The following CAMKK2 variants were observed in gnomAD, a reference collection of about 807,000 sequenced individuals.
CAMKK2 encodes calcium/calmodulin dependent protein kinase kinase 2.
Under a neutral mutation model 67.2 loss-of-function variants are expected in CAMKK2, and 30 were observed. The observed-to-expected ratio is 0.45, with a 90% CI of 0.33 to 0.61. The LOEUF is 0.61. CAMKK2 is among the 20% of genes least tolerant of loss of function. The pLI is 0.02. For missense variants in CAMKK2, 643 were observed against 802.0 expected (o/e 0.80, Z 2.39); for synonymous variants, 322 against 326.2 (o/e 0.99, Z 0.14).
intron 1 of CAMKK2, among the ~76,000 whole-genome samples, chr12:121,281,939 C>A: frequency 6.6e-6 from 1 of 152,042 alleles, no homozygotes; most frequent in Non-Finnish European, 1.5e-5. Context: ...AAGCGAGAGT[C>A]CATCTTGAAA....
At chr12:121,280,697 G>A (rs890382219) in intron 1 of CAMKK2, among the ~76,000 whole-genome samples, 1 of 152,068 alleles carries the variant, frequency 6.6e-6, no homozygotes, top group African/African-American at 2.4e-5. Context: ...TCTTATGGTC[G>A]AGATTGCAGA....
rs1896403413 is a variant in CAMKK2, at chr12:121,274,390, T to C, written c.137A>G (p.His46Arg). The C allele has an allele frequency of 6.2e-7, 1 of 1,613,424 alleles. No homozygotes were observed. The highest frequency in any genetic ancestry group is 1.7e-5 in the Admixed American group (1 of 60,022). Residue 46 changes from histidine to arginine, a missense_variant, in exon 2 of 17, where the codon CAC becomes CGC. Transcript: ENST00000404169. The part of the protein sequence containing the change: ...ALRGLSSLSI[H>R]LGMESFIVVT... ...CACAATGAAGGACTCCATGCCCAGG[T>C]GGATGCTCAAGGATGAGAGGCCCCG... is the stretch of plus-strand genomic sequence containing the variant.
chr12:121,276,991 T>C (rs1013786729), intron 1 of CAMKK2, among the ~76,000 whole-genome samples: 12 of 151,384 alleles, frequency 7.9e-5, no homozygotes, highest in Admixed American at 3.9e-4. Context: ...TCCGATGACA[T>C]TGGGAGGTAG....
At chr12:121,284,011 C>G (rs1186381608) in intron 1 of CAMKK2, among the ~76,000 whole-genome samples, 2 of 152,258 alleles carry the variant, frequency 1.3e-5, no homozygotes, top group African/African-American at 4.8e-5. Context: ...ACGCCACAGT[C>G]CTCACCACTT....
chr12:121,278,275 G>A (rs1251745706), intron 1 of CAMKK2, among the ~76,000 whole-genome samples: 1 of 152,150 alleles, frequency 6.6e-6, no homozygotes, highest in East Asian at 1.9e-4. Flanking sequence ...TTATGTCCCA[G>A]AAGAGGAAAC....
At chr12:121,266,927 G>A (rs1018678339) in intron 5 of CAMKK2, among the ~76,000 whole-genome samples, 4 of 149,684 alleles carry the variant, frequency 2.7e-5, no homozygotes, top group Non-Finnish European at 5.9e-5. Context: ...GGAGCTACCA[G>A]CAACTAAAAG....
chr12:121,263,985 C>T (rs1894001154), intron 5 of CAMKK2, 46 bp from the exon 6 acceptor site: 1 of 1,502,582 alleles, frequency 6.7e-7, no homozygotes, highest in Non-Finnish European at 9.0e-7. Context: ...AAGAGACTTT[C>T]CTCCGCAGAG....
In CAMKK2 at chr12:121,248,718, G is replaced by A; in HGVS notation, c.1340C>T (p.Thr447Met). ...CGGCAACGGCTCCGCCCCATGCCTCGTGACCCAGGGGTGCAGCTTCAACGA... is the reference window on the plus strand; with the variant it reads ...CGGCAACGGCTCCGCCCCATGCCTCATGACCCAGGGGTGCAGCTTCAACGA... ...VPEIKLHPWV[T>M]RHGAEPLPSE... The change falls in exon 14 of 17, where the codon ACG (threonine) becomes ATG (methionine). Residue 447 changes from threonine (T) to methionine (M), a missense_variant. Thr to Met is a moderately conservative substitution (Grantham distance 81). Coordinates refer to ENST00000404169, the MANE Select transcript of CAMKK2 (RefSeq NM_001270485.2). 6.2e-7 allele frequency: 1 copy of A among 1,614,136 alleles called. No homozygotes were observed. The highest frequency in any genetic ancestry group is 8.5e-7 in the Non-Finnish European group (1 of 1,180,010).
rs199869369 is a variant in CAMKK2, at chr12:121,250,049, G to A, written c.1162-15C>T. The A allele has an allele frequency of 7.7e-5, 123 of 1,603,952 alleles. No individual in the cohort carries two copies. Among genetic ancestry groups the A allele is most frequent in the Non-Finnish European group, 1.0e-4 (119 of 1,173,662 alleles). On this transcript the variant is annotated splice_polypyrimidine_tract_variant and intron_variant, in intron 11 of 16. Transcript: ENST00000404169. ...ATGAATGGGCACTGCAAAGAGGCCA[G>A]GGACAGAGTGGCAGTCAATGGCGGC...
Position 121,245,189 on chromosome 12 carries a change from C to A in CAMKK2, c.1504G>T (p.Gly502Cys). Residue 502 changes from glycine (G) to cysteine (C), a missense_variant, in exon 15 of 17, where the codon GGC becomes TGC. By Grantham distance (159) the Gly-to-Cys change is radical. This residue lies in a region of CAMKK2 where 140 missense variants were observed against 124.2 expected (regional missense o/e 1.13). Transcript: ENST00000404169. The surrounding 1 kb of genome is among the most constrained non-coding windows in gnomAD (Gnocchi z 5.8). ...AGTGAGCGTTCCTCCCGCCGGCTGC[C>A]CTCGAATGGGTTCCCAAAGGAGCGT... ...RKRSFGNPFEGSRREERSLSA... is the reference protein window; with the variant it reads ...RKRSFGNPFECSRREERSLSA... The A allele has an allele frequency of 6.2e-7, 1 of 1,609,406 alleles. No homozygotes were observed. The highest frequency in any genetic ancestry group is 8.5e-7 in the Non-Finnish European group (1 of 1,177,660).
chr12:121,244,399 C>T (rs542929042), intron 16 of CAMKK2, among the ~76,000 whole-genome samples, 174 bp downstream of exon 16: 1 of 152,338 alleles, frequency 6.6e-6, no homozygotes, highest in South Asian at 2.1e-4. Flanking sequence ...TGGGTCCAAG[C>T]CCCCGAGGCC....
rs201801372 is a variant in CAMKK2 at position 121,274,125 on chromosome 12, C to A, written c.402G>T (p.Pro134=). The A allele has an allele frequency of 3.0e-5, 47 of 1,571,544 alleles. No homozygotes were observed. Among genetic ancestry groups the A allele is most frequent in the Non-Finnish European group, 3.5e-5 (41 of 1,157,130 alleles). ...GCCGGGGCAGCCGAGGCGAGGACTG[C>A]GGGGAGCTGACGGGTGAGTAGGGCA... The part of the protein sequence containing the change: ...PSLPYSPVSS[P]QSSPRLPRRP... The change falls in exon 2 of 17, where the codon CCG becomes CCT. Residue 134 remains proline (P), a synonymous_variant. Transcript: ENST00000404169.
At chr12:121,278,684 C>A (rs1897223749) in intron 1 of CAMKK2, among the ~76,000 whole-genome samples, 1 of 152,264 alleles carries the variant, frequency 6.6e-6, no homozygotes, top group South Asian at 2.1e-4. Flanking sequence ...CTTGCTCCTC[C>A]TTGACTTCCG....
intron 13 of CAMKK2, among the ~76,000 whole-genome samples, chr12:121,249,141 G>T (rs1287477802): frequency 6.6e-6 from 1 of 152,246 alleles, no homozygotes; most frequent in Non-Finnish European, 1.5e-5. Flanking sequence ...GGTGGGACCA[G>T]CTGGCAGGAC....
Position 121,273,683 on chromosome 12 carries a change from C to T in CAMKK2, c.471+373G>A, listed in dbSNP as rs533081097. ...ACCCACAGGGGGTCACACACACCTG[C>T]CCCAGCAGCCCTCACCCATGAGTAT... is the stretch of plus-strand genomic sequence containing the variant. On this transcript the variant is annotated intron_variant, in intron 2 of 16. Coordinates refer to ENST00000404169, the MANE Select transcript of CAMKK2 (RefSeq NM_001270485.2). Among the ~76,000 whole-genome samples, 9 of 152,258 alleles carry T rather than the reference C, an allele frequency of 5.9e-5. No homozygotes were observed. The East Asian group carries it at 1.7e-3, about 29-fold the overall frequency.
chr12:121,261,323 G>A (rs1231892530), intron 6 of CAMKK2, among the ~76,000 whole-genome samples: 1 of 152,100 alleles, frequency 6.6e-6, no homozygotes, highest in African/African-American at 2.4e-5. Context: ...AGGGCCCCTC[G>A]CTAACCAAAT....
At chr12:121,282,868 C>T (rs1566129679) in intron 1 of CAMKK2, among the ~76,000 whole-genome samples, 1 of 152,160 alleles carries the variant, frequency 6.6e-6, no homozygotes, top group Non-Finnish European at 1.5e-5. Context: ...GCTTCTCCTG[C>T]CTCAGCCTCC....
At chr12:121,293,005 G>A (rs1010176595) in intron 1 of CAMKK2, among the ~76,000 whole-genome samples, 8 of 151,362 alleles carry the variant, frequency 5.3e-5, no homozygotes, top group South Asian at 2.1e-4. Context: ...GCTGGGCGCC[G>A]TGGCTCACGC....
At chr12:121,292,251 G>A (rs1313958224) in intron 1 of CAMKK2, among the ~76,000 whole-genome samples, 2 of 151,254 alleles carry the variant, frequency 1.3e-5, no homozygotes, top group Middle Eastern at 6.3e-3. Flanking sequence ...TCAGTCTCCC[G>A]AGTGGCTGGG....
Sources: gnomAD v4.1 joint callset for allele counts (sites outside exome capture counted in the v4.1 genomes callset) on GRCh38, gnomAD v4.1.1 for gene constraint, gnomAD v4.1.1 regional missense constraint, Gnocchi (gnomAD v3.1) non-coding constraint, MANE v1.5 for transcripts, NCBI Gene and HGNC (gene_info 2026-07-23, HGNC 2026-07-21) for gene names.